The following ALDH4A1 variants were observed in gnomAD, a reference collection of about 807,000 sequenced individuals.
ALDH4A1 encodes the protein aldehyde dehydrogenase 4 family member A1, also known as delta-1-pyrroline-5-carboxylate dehydrogenase, mitochondrial.
Under a neutral mutation model 70.5 loss-of-function variants are expected in ALDH4A1, and 46 were observed. The observed-to-expected ratio is 0.65, with a 90% CI of 0.51 to 0.83. The LOEUF is 0.83. Ranked by LOEUF, ALDH4A1 falls within the 40% of genes least tolerant of loss-of-function variation. The pLI is 0.00. For synonymous variants in ALDH4A1, 323 were observed against 324.3 expected, an observed-to-expected ratio of 1.00 and a Z score of 0.04; for missense variants, 749 against 766.5, an observed-to-expected ratio of 0.98 and a Z score of 0.27.
At chr1:18,878,445 C>A (rs1228110145) in intron 9 of ALDH4A1, among the ~76,000 whole-genome samples, 1 of 152,192 alleles carries the variant, frequency 6.6e-6, no homozygotes, top group Non-Finnish European at 1.5e-5. Context: ...CGAACTCCCA[C>A]CAGTCCAGGA....
In ALDH4A1 at chr1:18,879,138, C is replaced by T. The variant is rs533168020; in HGVS notation, c.940+162G>A. On this transcript the variant is annotated intron_variant, in intron 9 of 14. Transcript: ENST00000375341. ...CATATTGGAGAGTGAAGGTACTGGA[C>T]GCATCCCTCATCACAAAAAGTTCTA... 2.6e-5 allele frequency among the ~76,000 whole-genome samples: 4 copies of T among 152,348 alleles called. No homozygotes were observed. The East Asian group carries it at 5.8e-4, about 22-fold the overall frequency.
chr1:18,876,052 A>G (rs1037585093), intron 12 of ALDH4A1, among the ~76,000 whole-genome samples: 4 of 152,200 alleles, frequency 2.6e-5, no homozygotes, highest in African/African-American at 9.6e-5. Flanking sequence ...AGCCATTATG[A>G]TGGCTGCAGT....
intron 1 of ALDH4A1, among the ~76,000 whole-genome samples, chr1:18,892,273 G>A (rs1456143450): frequency 6.6e-6 from 1 of 152,112 alleles, no homozygotes; most frequent in Non-Finnish European, 1.5e-5. Flanking sequence ...CACTTGACTT[G>A]AGGTTGACTG....
chr1:18,885,440 C>CCCCCCCCCCCCCCCCCCCCCCCCCCCCA, intron 5 of ALDH4A1, 33 bp downstream of exon 5: 2 of 665,764 alleles, frequency 3.0e-6, no homozygotes, highest in Non-Finnish European at 2.7e-6. Context: ...CACCCCACCC[C>CCCCCCCCCCCCCCCCCCCCCCCCCCCCA]GCCCCACCCA....
chr1:18,872,824 A>G lies in ALDH4A1; in HGVS notation c.*21T>C. 1 of 1,599,622 alleles carries G rather than the reference A, an allele frequency of 6.3e-7. No individual in the cohort carries two copies. The highest frequency in any genetic ancestry group is 8.6e-7 in the Non-Finnish European group (1 of 1,168,388). On this transcript the variant is annotated 3_prime_UTR_variant, in exon 15 of 15. Transcript: ENST00000375341. ...GCCACCTGGACGGACAGACAGCTGG[A>G]CGGTGGAGCCCGAGAGGGGCTCACT...
At chr1:18,878,678 T>C (rs1934832753) in intron 9 of ALDH4A1, among the ~76,000 whole-genome samples, 1 of 152,226 alleles carries the variant, frequency 6.6e-6, no homozygotes, top group Non-Finnish European at 1.5e-5. Flanking sequence ...TGGCAGACCT[T>C]GTCCTTGAAG....
At chr1:18,888,325 G>A (rs1935299037) in intron 3 of ALDH4A1, among the ~76,000 whole-genome samples, 1 of 152,186 alleles carries the variant, frequency 6.6e-6, no homozygotes, top group Admixed American at 6.5e-5. Context: ...TGCGACCTGG[G>A]CCCCAGTGGA....
In ALDH4A1 at chr1:18,877,231, A is replaced by G. The variant is rs41273175; in HGVS notation, c.1162T>C (p.Phe388Leu). The part of the protein sequence containing the change: ...GDPAEDFGTF[F>L]SAVIDAKSFA... ...ACCTTGGCATCAATCACTGCAGAGA[A>G]GAAGGTCCCAAAATCCTCTGCAGGC... is the stretch of plus-strand genomic sequence containing the variant. Residue 388 changes from phenylalanine (F) to leucine (L), a missense_variant, in exon 11 of 15, where the codon TTC becomes CTC. By Grantham distance (22) the Phe-to-Leu change is conservative (BLOSUM62 0). Transcript: ENST00000375341. 26,218 of 1,608,354 alleles carry G rather than the reference A, an allele frequency of 0.016. 281 individuals carry two copies. The highest frequency in any genetic ancestry group is 0.057 in the Middle Eastern group (344 of 6,060).
intron 8 of ALDH4A1, among the ~76,000 whole-genome samples, chr1:18,879,800 T>TC (rs1331281494): frequency 1.3e-5 from 2 of 151,426 alleles, no homozygotes; most frequent in Non-Finnish European, 2.9e-5. Flanking sequence ...CTGCGAAGGA[T>TC]CCCCCCCAAG....
At chr1:18,876,019 C>T (rs905143586) in intron 12 of ALDH4A1, among the ~76,000 whole-genome samples, 8 of 152,202 alleles carry the variant, frequency 5.3e-5, no homozygotes, top group African/African-American at 1.9e-4. Context: ...CAGCTGGCCC[C>T]ACAGTAAAAG....
rs368241243 is a variant in ALDH4A1 at position 18,885,510 on chromosome 1, C to T, written c.416G>A (p.Arg139His). Residue 139 changes from arginine to histidine, a missense_variant, in exon 5 of 15, where the codon CGC becomes CAC. Physicochemically the swap from Arg to His is conservative, Grantham distance 29 (BLOSUM62 0). Transcript: ENST00000375341. ...LKAADMLSGP[R>H]RAEILAKTMV... ...GGTCTTGGCGAGGATCTCAGCCCTG[C>T]GCGGCCCACTCAGCATGTCTGCCGC... 22 of 1,591,626 alleles carry T rather than the reference C, an allele frequency of 1.4e-5. No individual in the cohort carries two copies. Among genetic ancestry groups the T allele is most frequent in the Middle Eastern group, 1.7e-4 (1 of 6,050 alleles).
At chr1:18,886,641 C>G in intron 3 of ALDH4A1, 130 bp from the exon 4 acceptor site, 1 of 986,352 alleles carries the variant, frequency 1.0e-6, no homozygotes, top group Non-Finnish European at 1.6e-6. Flanking sequence ...CCCCCGCTCC[C>G]ATGAAACCCT....
chr1:18,879,383 C>G lies in ALDH4A1; in HGVS notation c.867-10G>C, dbSNP rs1014011308. The G allele has an allele frequency of 5.6e-6, 9 of 1,608,840 alleles. No homozygotes were observed. The African/African-American group carries it at 9.4e-5, about 17-fold the overall frequency. On this transcript the variant is annotated splice_polypyrimidine_tract_variant and intron_variant, in intron 8 of 14. Coordinates refer to ENST00000375341, the MANE Select transcript of ALDH4A1 (RefSeq NM_003748.4). Reference sequence around the variant, plus strand: ...CAGGTGTTTGAAGGTGCTGGAACCACAGGAGAAAGGGTGGGGTTCAGGGAG... The same window carrying G: ...CAGGTGTTTGAAGGTGCTGGAACCAGAGGAGAAAGGGTGGGGTTCAGGGAG...
At chr1:18,889,133 A>C (rs552779086) in intron 3 of ALDH4A1, among the ~76,000 whole-genome samples, 10 of 152,290 alleles carry the variant, frequency 6.6e-5, no homozygotes, top group African/African-American at 2.4e-5. Flanking sequence ...TGGCCCCCTC[A>C]TGGCCTTTCT....
Position 18,875,363 on chromosome 1 carries a change from C to T in ALDH4A1, c.1460+19G>A, listed in dbSNP as rs776062366. 1.2e-6 allele frequency: 2 copies of T among 1,613,894 alleles called. No homozygotes were observed. Among genetic ancestry groups the T allele is most frequent in the African/African-American group, 1.3e-5 (1 of 74,932 alleles). On this transcript the variant is annotated intron_variant, in intron 13 of 14. Coordinates refer to ENST00000375341, the MANE Select transcript of ALDH4A1 (RefSeq NM_003748.4). ...GGACACCCGGAGCACAGCACCAGGG[C>T]TGCGGCCTGGCCACTCACTTATCCT... is the stretch of plus-strand genomic sequence containing the variant.
chr1:18,884,712 G>GGAGTACCTAGGAACTCAA (rs1331988860), intron 5 of ALDH4A1, among the ~76,000 whole-genome samples: 1 of 152,224 alleles, frequency 6.6e-6, no homozygotes, highest in Non-Finnish European at 1.5e-5. Context: ...ATACACTCCA[G>GGAGTACCTAGGAACTCAA]TGCAATCTGA....
chr1:18,877,460 T>C lies in ALDH4A1; in HGVS notation c.1093A>G (p.Lys365Glu). ...CTGTGCTCCTCCAGCAGCCGCCCTT[T>C]GATCTGCGGCCACAGCGAGTGCGGC... ...YVPHSLWPQI[K>E]GRLLEEHSRI... The change falls in exon 10 of 15, where the codon AAA becomes GAA. Residue 365 changes from lysine (K) to glutamate (E), a missense_variant. Physicochemically the swap from Lys to Glu is moderately conservative, Grantham distance 56 (BLOSUM62 1). Transcript: ENST00000375341. 1 of 1,594,958 alleles carries C rather than the reference T, an allele frequency of 6.3e-7. No individual in the cohort carries two copies. Among genetic ancestry groups the C allele is most frequent in the Non-Finnish European group, 8.5e-7 (1 of 1,170,768 alleles).
Sources: allele counts gnomAD v4.1 joint callset (sites outside exome capture counted in the v4.1 genomes callset), GRCh38; gene constraint gnomAD v4.1.1; transcripts MANE v1.5; gene names NCBI Gene and HGNC (gene_info 2026-07-23, HGNC 2026-07-21).